Variants in SBNO1 observed in about 807,000 individuals in gnomAD.
The protein encoded by SBNO1 is strawberry notch homolog 1.
Under a neutral mutation model 173.6 loss-of-function variants are expected in SBNO1, and 23 were observed. That is an observed-to-expected ratio of 0.13 (90% CI 0.10 to 0.19). SBNO1 has a LOEUF of 0.19. SBNO1 is among the 10% of genes least tolerant of loss of function. The pLI is 1.00. For synonymous variants in SBNO1, 632 were observed against 571.5 expected (o/e 1.11, Z -1.51); for missense variants, 1,238 against 1,671.2 (o/e 0.74, Z 4.52).
At position 123,302,903 on chromosome 12, in the gene SBNO1, G is replaced by A. The variant is rs753644950; in HGVS notation, c.3769-3C>T. 34 of 1,606,652 alleles carry A rather than the reference G, an allele frequency of 2.1e-5. No individual in the cohort carries two copies. Among genetic ancestry groups the A allele is most frequent in the Admixed American group, 5.0e-5 (3 of 59,822 alleles). Reference sequence around the variant, plus strand: ...ATCAGGGCATCATCTGAGACGACCTGTAAAAATGAGAAGAATTTCATTGAA... The same window carrying A: ...ATCAGGGCATCATCTGAGACGACCTATAAAAATGAGAAGAATTTCATTGAA... On this transcript the variant is annotated splice_polypyrimidine_tract_variant and splice_region_variant and intron_variant, in intron 29 of 31. Coordinates refer to ENST00000602398, the MANE Select transcript of SBNO1 (RefSeq NM_001167856.3).
rs1252469681 is a variant in SBNO1 at position 123,289,356 on chromosome 12, A to G, written c.*6552T>C. Reference sequence around the variant, plus strand: ...GGACGCTTGGTACCGTGCTCCCACGAAAGGCTGGATGCAGCAATGCAGTAT... The same window carrying G: ...GGACGCTTGGTACCGTGCTCCCACGGAAGGCTGGATGCAGCAATGCAGTAT... On this transcript the variant is annotated 3_prime_UTR_variant, in exon 32 of 32. Transcript: ENST00000602398. 2.0e-5 allele frequency: 3 copies of G among 152,272 alleles called. No individual in the cohort carries two copies. Among genetic ancestry groups the G allele is most frequent in the African/African-American group, 7.2e-5 (3 of 41,480 alleles). The allele number at this position is 152,272 out of a possible 1,614,324, so 9.4% of individuals were successfully genotyped here.
chr12:123,358,379 C>G (rs1457986008), intron 1 of SBNO1, among the ~76,000 whole-genome samples: 1 of 152,092 alleles, frequency 6.6e-6, no homozygotes, highest in African/African-American at 2.4e-5. Flanking sequence ...GTGTTTTTTT[C>G]TTTTAACCTT....
chr12:123,327,701 C>T lies in SBNO1; in HGVS notation c.1538+6G>A. 6.2e-7 allele frequency: 1 copy of T among 1,606,660 alleles called. No individual in the cohort carries two copies. The highest frequency in any genetic ancestry group is 1.3e-5 in the African/African-American group (1 of 74,808). On this transcript the variant is annotated splice_donor_region_variant and intron_variant, in intron 12 of 31. Coordinates refer to ENST00000602398, the MANE Select transcript of SBNO1 (RefSeq NM_001167856.3). ...TGAGAAGAGTATATACCGTAAACTG[C>T]ATTACCTCCGTTCTACTGCTTGAAT...
intron 15 of SBNO1, among the ~76,000 whole-genome samples, chr12:123,324,331 T>C (rs866743996): frequency 0.025 from 3,807 of 150,898 alleles, 86 homozygotes; most frequent in South Asian, 0.051. Context: ...TTTCTTTTTT[T>C]TTTTTTTTTT....
In SBNO1 at chr12:123,297,422, A is replaced by AAAAAAAAAAAAAAAAAAAAT. The variant is rs1555243597; in HGVS notation, c.4039+555_4039+556insATTTTTTTTTTTTTTTTTTT. 1.7e-4 allele frequency among the ~76,000 whole-genome samples: 25 copies of AAAAAAAAAAAAAAAAAAAAT among 148,180 alleles called. 1 individual carries two copies. The highest frequency in any genetic ancestry group is 6.0e-4 in the East Asian group (3 of 5,028). ...GTCCAAAAAAAAAAAAAAAAAAAAA[A>AAAAAAAAAAAAAAAAAAAAT]TTCCATAGACTGACTTTGGCCCATG... On this transcript the variant is annotated intron_variant, in intron 31 of 31. Transcript: ENST00000602398.
Position 123,289,436 on chromosome 12 carries a change from A to G in SBNO1, c.*6472T>C, listed in dbSNP as rs1181425132. The G allele has an allele frequency of 6.6e-6, 1 of 152,286 alleles. No individual in the cohort carries two copies. The highest frequency in any genetic ancestry group is 1.5e-5 in the Non-Finnish European group (1 of 68,058). 9.4% of individuals were successfully genotyped at this position (152,286 alleles called of 1,614,324 possible). A position where few individuals can be genotyped will look rare whatever the true frequency, so the allele number is the denominator to read the frequency against. Reference sequence around the variant, plus strand: ...TGATGGACACGCTACAACAGGAGCGATAACAAAAGGGAGATTTAAAAAAGA... The same window carrying G: ...TGATGGACACGCTACAACAGGAGCGGTAACAAAAGGGAGATTTAAAAAAGA... On this transcript the variant is annotated 3_prime_UTR_variant, in exon 32 of 32. Transcript: ENST00000602398.
intron 4 of SBNO1, among the ~76,000 whole-genome samples, chr12:123,344,160 C>T (rs929358317): frequency 1.4e-4 from 22 of 152,156 alleles, no homozygotes; most frequent in Non-Finnish European, 2.8e-4. Flanking sequence ...AAGACCGTAA[C>T]GAGAAGCATC....
At chr12:123,332,774 C>T (rs1246315366) in intron 7 of SBNO1, among the ~76,000 whole-genome samples, 2 of 152,216 alleles carry the variant, frequency 1.3e-5, no homozygotes, top group South Asian at 2.1e-4. Context: ...ACCACGTTGG[C>T]CAGGCTGGTC....
intron 7 of SBNO1, among the ~76,000 whole-genome samples, chr12:123,333,544 C>G (rs1871482845): frequency 6.6e-6 from 1 of 151,890 alleles, no homozygotes; most frequent in Admixed American, 6.6e-5. Flanking sequence ...TCCCATCACC[C>G]AGGGTGGAGT....
chr12:123,306,023 T>A (rs2048905752), intron 28 of SBNO1, among the ~76,000 whole-genome samples: 1 of 152,348 alleles, frequency 6.6e-6, no homozygotes, highest in African/African-American at 2.4e-5. Flanking sequence ...TTATATTCAT[T>A]CTTATAATGA....
Position 123,312,062 on chromosome 12 carries a change from T to A in SBNO1, c.3221-933A>T, listed in dbSNP as rs536543222. 7.9e-5 allele frequency among the ~76,000 whole-genome samples: 12 copies of A among 151,624 alleles called. 1 individual carries two copies. In the South Asian group the frequency reaches 2.3e-3, roughly 29 times the overall value. On this transcript the variant is annotated intron_variant, in intron 24 of 31. Coordinates refer to ENST00000602398, the MANE Select transcript of SBNO1 (RefSeq NM_001167856.3). ...GCCATAACCTGTAATTTTAAGAAGT[T>A]AGAAGTAAATCAAGGAATCTTTTTT...
intron 4 of SBNO1, among the ~76,000 whole-genome samples, chr12:123,341,594 T>G (rs1487259545): frequency 6.6e-6 from 1 of 152,206 alleles, no homozygotes; most frequent in African/African-American, 2.4e-5. Flanking sequence ...CAATCTCAGC[T>G]GACTGCAACC....
At chr12:123,360,908 C>T (rs531207977) in intron 1 of SBNO1, among the ~76,000 whole-genome samples, 23 of 151,962 alleles carry the variant, frequency 1.5e-4, no homozygotes, top group Non-Finnish European at 2.8e-4. Flanking sequence ...GTCAGGAGAT[C>T]GAGACCATCC....
rs1043302986 is a variant in SBNO1, at chr12:123,364,803, G to T, written c.-103C>A. 4.0e-5 allele frequency: 40 copies of T among 987,892 alleles called. No homozygotes were observed. Among genetic ancestry groups the T allele is most frequent in the Non-Finnish European group, 4.7e-5 (39 of 831,624 alleles). 61.2% of individuals were successfully genotyped at this position (987,892 alleles called of 1,614,324 possible). ...AGGCGGCGGTGGCGGCGGCAGCAGC[G>T]GCGTCCTGCTCTGCCTACCTCCCCG... On this transcript the variant is annotated 5_prime_UTR_variant, in exon 1 of 32. Transcript: ENST00000602398.
At chr12:123,319,183 T>G (rs1040679021) in intron 20 of SBNO1, among the ~76,000 whole-genome samples, 3 of 152,040 alleles carry the variant, frequency 2.0e-5, no homozygotes, top group African/African-American at 7.2e-5. Context: ...GCCAGCCTGG[T>G]CTTGAACTCC....
rs1183001667 is a variant in SBNO1 at position 123,293,527 on chromosome 12, G to A, written c.*2381C>T. 6.6e-6 allele frequency: 1 copy of A among 152,038 alleles called. No homozygotes were observed. The highest frequency in any genetic ancestry group is 2.4e-5 in the African/African-American group (1 of 41,386). The allele number at this position is 152,038 out of a possible 1,614,324, so 9.4% of individuals were successfully genotyped here. ...TGCTGCACACACCATGACCAGCCTG[G>A]GCATGCAGCACCCCAGCTCCCATCC... On this transcript the variant is annotated 3_prime_UTR_variant, in exon 32 of 32. Transcript: ENST00000602398.
intron 17 of SBNO1, 77 bp downstream of exon 17, chr12:123,321,457 AG>A: frequency 9.6e-7 from 1 of 1,037,092 alleles, no homozygotes; most frequent in Non-Finnish European, 1.5e-6. Context: ...ACTGTACAGA[AG>A]AAAAGGTTTC....
At chr12:123,363,861 C>T (rs1307399377) in intron 1 of SBNO1, 6 of 985,484 alleles carry the variant, frequency 6.1e-6, no homozygotes, top group Non-Finnish European at 7.2e-6. Flanking sequence ...GAGCTGGATG[C>T]CAGGGTCAGG....
At chr12:123,326,629 T>C (rs574821307) in intron 13 of SBNO1, among the ~76,000 whole-genome samples, 16 of 152,268 alleles carry the variant, frequency 1.1e-4, no homozygotes, top group Admixed American at 5.9e-4. Flanking sequence ...ATCTGAAATA[T>C]AAGAACATTG....
Sources: allele counts gnomAD v4.1 joint callset (sites outside exome capture counted in the v4.1 genomes callset), GRCh38; gene constraint gnomAD v4.1.1; transcripts MANE v1.5; gene names NCBI Gene and HGNC (gene_info 2026-07-23, HGNC 2026-07-21).